Variants in SLC35D2 observed in about 807,000 individuals in gnomAD.
The protein encoded by SLC35D2 is nucleotide sugar transporter SLC35D2.
SLC35D2 carries 43 observed loss-of-function variants against 41.8 expected under a neutral mutation model. The observed-to-expected ratio is 1.03, with a 90% CI of 0.81 to 1.33. The LOEUF is 1.33. Ranked by LOEUF, SLC35D2 falls within the 40% of genes most tolerant of loss-of-function variation. SLC35D2 has a pLI of 0.00. For missense variants in SLC35D2, 380 were observed against 408.4 expected (o/e 0.93, Z 0.60); for synonymous variants, 150 against 163.9 (o/e 0.92, Z 0.65).
At chr9:96,373,579 C>T (rs1038695262) in intron 1 of SLC35D2, among the ~76,000 whole-genome samples, 5 of 150,980 alleles carry the variant, frequency 3.3e-5, no homozygotes, top group Non-Finnish European at 4.4e-5. Context: ...CCCAGCTACT[C>T]GGGAGGCTGA....
chr9:96,372,906 TG>T lies in SLC35D2; in HGVS notation c.159-4602del, dbSNP rs1210664070. Among the ~76,000 whole-genome samples, 10 of 150,052 alleles carry T rather than the reference TG, an allele frequency of 6.7e-5. No individual in the cohort carries two copies. In the East Asian group the frequency reaches 2.0e-3, roughly 29 times the overall value. On this transcript the variant is annotated intron_variant, in intron 1 of 11. Transcript: ENST00000253270. ...CGGGTTTTTTGTTCTTTTGTTTTTT[TG>T]TTTTTTTTTTTTGAGACAGAGTTTC...
intron 9 of SLC35D2, among the ~76,000 whole-genome samples, chr9:96,325,101 A>G (rs954085983): frequency 6.6e-6 from 1 of 152,240 alleles, no homozygotes; most frequent in African/African-American, 2.4e-5. Context: ...AAGTTAACTC[A>G]GGCACTTAAC....
chr9:96,364,322 G>A lies in SLC35D2; in HGVS notation c.279+142C>T, dbSNP rs114760206. On this transcript the variant is annotated intron_variant, in intron 3 of 11. Transcript: ENST00000253270. ...TGCACTCCAGCCTGGGCGACAGAGC[G>A]ACAGTCCATCTCAAACAAAAAAAGA... is the stretch of plus-strand genomic sequence containing the variant. 1,103 of 555,012 alleles carry A rather than the reference G, an allele frequency of 2.0e-3. 11 individuals carry two copies. Among genetic ancestry groups the A allele is most frequent in the African/African-American group, 0.018 (921 of 51,278 alleles). 34.4% of individuals were successfully genotyped at this position (555,012 alleles called of 1,614,324 possible).
At position 96,321,979 on chromosome 9, in the gene SLC35D2, A is replaced by C; in HGVS notation, c.914+19T>G. ...GTTCTTGTCTTCCCAAAGCGAGTCCATTAAAAATTCCCACTCACCAAATAT... is the reference window on the plus strand; with the variant it reads ...GTTCTTGTCTTCCCAAAGCGAGTCCCTTAAAAATTCCCACTCACCAAATAT... On this transcript the variant is annotated intron_variant, in intron 11 of 11. Transcript: ENST00000253270. The C allele has an allele frequency of 7.0e-7, 1 of 1,429,990 alleles. No individual in the cohort carries two copies. Among genetic ancestry groups the C allele is most frequent in the South Asian group, 1.2e-5 (1 of 85,338 alleles). The allele number at this position is 1,429,990 out of a possible 1,614,324, so 88.6% of individuals were successfully genotyped here.
chr9:96,336,164 A>G (rs1829043652), intron 9 of SLC35D2, among the ~76,000 whole-genome samples: 1 of 152,224 alleles, frequency 6.6e-6, no homozygotes, highest in South Asian at 2.1e-4. Flanking sequence ...TAGCAGGTAT[A>G]GCACTATAGG....
chr9:96,349,777 G>C (rs1037167584), intron 6 of SLC35D2, among the ~76,000 whole-genome samples: 3 of 152,124 alleles, frequency 2.0e-5, no homozygotes, highest in Non-Finnish European at 4.4e-5. Context: ...GCACCCGCCT[G>C]GGCCTCCCAA....
At chr9:96,378,517 G>A (rs1356936383) in intron 1 of SLC35D2, among the ~76,000 whole-genome samples, 1 of 152,070 alleles carries the variant, frequency 6.6e-6, no homozygotes, top group Non-Finnish European at 1.5e-5. Flanking sequence ...AATATTTGTT[G>A]AAATGAATAC....
intron 9 of SLC35D2, among the ~76,000 whole-genome samples, chr9:96,328,629 C>T (rs1587836060): frequency 6.6e-6 from 1 of 151,166 alleles, no homozygotes; most frequent in Non-Finnish European, 1.5e-5. Flanking sequence ...AAAGTAACTG[C>T]CTTACCCAAC....
chr9:96,357,871 T>G (rs1346432785), intron 4 of SLC35D2, among the ~76,000 whole-genome samples: 1 of 151,390 alleles, frequency 6.6e-6, no homozygotes, highest in East Asian at 1.9e-4. Context: ...AGACCTAGTC[T>G]CTACAAAAAA....
intron 8 of SLC35D2, among the ~76,000 whole-genome samples, chr9:96,339,597 T>G (rs2130891862): frequency 6.6e-6 from 1 of 152,310 alleles, no homozygotes; most frequent in Admixed American, 6.5e-5. Context: ...AGACTTACTG[T>G]TGGAACGTGA....
intron 1 of SLC35D2, among the ~76,000 whole-genome samples, chr9:96,375,140 C>T (rs1329697680): frequency 6.6e-6 from 1 of 151,242 alleles, no homozygotes; most frequent in Admixed American, 6.6e-5. Flanking sequence ...TACAAGCGCC[C>T]ACCACGATGC....
chr9:96,333,349 C>T (rs1419291588), intron 9 of SLC35D2, among the ~76,000 whole-genome samples: 1 of 151,622 alleles, frequency 6.6e-6, no homozygotes, highest in African/African-American at 2.4e-5. Flanking sequence ...GTAATCCCAG[C>T]TCTTTGGGAG....
chr9:96,378,429 AAAAAC>A (rs1300555964), intron 1 of SLC35D2, among the ~76,000 whole-genome samples: 1 of 152,168 alleles, frequency 6.6e-6, no homozygotes, highest in Non-Finnish European at 1.5e-5. Flanking sequence ...CCCTGTCTCA[AAAAAC>A]AAAACAAAAC....
intron 1 of SLC35D2, chr9:96,373,954 A>C (rs141228746): frequency 4.3e-4 from 66 of 152,350 alleles, no homozygotes; most frequent in African/African-American, 1.5e-3. Context: ...CAGCAGAGGC[A>C]AGCTGAAGTA....
intron 5 of SLC35D2, 31 bp downstream of exon 5, chr9:96,352,007 C>T: frequency 6.8e-7 from 1 of 1,471,710 alleles, no homozygotes; most frequent in Admixed American, 1.7e-5. Flanking sequence ...GTGGGAGGCA[C>T]ACTGGAAGAA....
At chr9:96,319,505 T>TAA (rs71368243), downstream of SLC35D2, among the ~76,000 whole-genome samples, 7 of 151,130 alleles carry the variant, frequency 4.6e-5, no homozygotes, top group South Asian at 6.3e-4. Flanking sequence ...TACCACAATT[T>TAA]AAAAAAAAAG....
intron 6 of SLC35D2, among the ~76,000 whole-genome samples, chr9:96,346,956 G>C (rs1261118200): frequency 6.6e-6 from 1 of 152,054 alleles, no homozygotes; most frequent in Non-Finnish European, 1.5e-5. Context: ...GACCAACATG[G>C]AGAAATCCCA....
intron 7 of SLC35D2, among the ~76,000 whole-genome samples, chr9:96,344,734 A>C (rs1430684516): frequency 2.4e-5 from 1 of 41,912 alleles, no homozygotes; most frequent in Non-Finnish European, 4.6e-5. Context: ...GGGATGGGGG[A>C]GGGGGAGGGA....
In SLC35D2 at chr9:96,345,518, G is replaced by A. The variant is rs529257369; in HGVS notation, c.489-117C>T. 1.8e-4 allele frequency: 120 copies of A among 665,268 alleles called. 2 individuals are homozygous for A. Among genetic ancestry groups the A allele is most frequent in the South Asian group, 1.1e-3 (61 of 57,940 alleles). 41.2% of individuals were successfully genotyped at this position (665,268 alleles called of 1,614,324 possible). ...CACTTTTCTGTGGCACACTTTCCCC[G>A]CTTTGTGGTAGTGAATGATTAATTC... On this transcript the variant is annotated intron_variant, in intron 6 of 11. Transcript: ENST00000253270.
Sources: gnomAD v4.1 joint callset for allele counts (sites outside exome capture counted in the v4.1 genomes callset) on GRCh38, gnomAD v4.1.1 for gene constraint, MANE v1.5 for transcripts, NCBI Gene and HGNC (gene_info 2026-07-23, HGNC 2026-07-21) for gene names.